Variants in KATNAL2 observed in about 807,000 individuals in gnomAD.
The protein encoded by KATNAL2 is katanin catalytic subunit A1 like 2.
Under a neutral mutation model 76.3 loss-of-function variants are expected in KATNAL2, and 52 were observed. The observed-to-expected ratio is 0.68, with a 90% CI of 0.55 to 0.86. The LOEUF (loss-of-function observed/expected upper bound fraction) is 0.86. KATNAL2 is among the 40% of genes least tolerant of loss of function. The pLI, the probability that KATNAL2 is intolerant of heterozygous loss-of-function variation, is 0.00. For missense variants in KATNAL2, 660 were observed against 668.9 expected (o/e 0.99, Z 0.15); for synonymous variants, 243 against 244.2 (o/e 1.00, Z 0.05).
chr18:47,033,767 C>G, intron 3 of KATNAL2: 2 of 1,614,246 alleles, frequency 1.2e-6, no homozygotes, highest in Non-Finnish European at 8.5e-7. Context: ...AAAGCAGCTT[C>G]CTCCCGGAAC....
In KATNAL2 at chr18:46,950,005, T is replaced by C. The variant is rs1227463930; in HGVS notation, c.51+3082T>C. Among the ~76,000 whole-genome samples the C allele has an allele frequency of 2.0e-5, 3 of 152,176 alleles. No individual in the cohort carries two copies. The East Asian group carries it at 5.8e-4, about 29-fold the overall frequency. On this transcript the variant is annotated intron_variant, in intron 3 of 17. Coordinates refer to ENST00000683218, the MANE Select transcript of KATNAL2 (RefSeq NM_001387690.1). ...AATCTTGACAAGACCTACAAAGCAC[T>C]GCAATAAAGCCCAACCTCTGCCTCC...
chr18:47,077,925 TCA>T (rs2062316452), intron 15 of KATNAL2, among the ~76,000 whole-genome samples: 1 of 152,176 alleles, frequency 6.6e-6, no homozygotes, highest in African/African-American at 2.4e-5. Context: ...TAATCTACTC[TCA>T]GAGTCTTATT....
intron 2 of KATNAL2, 97 bp from the exon 3 acceptor site, chr18:46,946,757 G>T (rs1308605264): frequency 1.2e-5 from 15 of 1,229,634 alleles, no homozygotes; most frequent in Non-Finnish European, 1.7e-5. Context: ...GCGTGTCTGG[G>T]CTCTAGCCAA....
At chr18:46,947,066 G>T (rs2059402902) in intron 3 of KATNAL2, 143 bp downstream of exon 3, 2 of 682,124 alleles carry the variant, frequency 2.9e-6, no homozygotes, top group Non-Finnish European at 5.2e-6. Context: ...GCTCGGCCGA[G>T]GTGGTTAAAT....
intron 3 of KATNAL2, chr18:47,034,608 G>A (rs141139225): frequency 1.8e-5 from 29 of 1,614,160 alleles, no homozygotes; most frequent in East Asian, 4.5e-5. Context: ...GGCTCACAAC[G>A]GCTTTCCCCT....
chr18:47,090,242 G>A (rs1221992250), intron 15 of KATNAL2, among the ~76,000 whole-genome samples: 4 of 152,014 alleles, frequency 2.6e-5, no homozygotes, highest in African/African-American at 4.8e-5. Context: ...GAGTAGCTGG[G>A]ATTACAGTTG....
At chr18:46,920,710 G>A (rs922057810) in intron 1 of KATNAL2, among the ~76,000 whole-genome samples, 1 of 152,138 alleles carries the variant, frequency 6.6e-6, no homozygotes, top group Non-Finnish European at 1.5e-5. Context: ...GGTAGAAAGG[G>A]CATGTTTCTC....
chr18:46,957,069 A>G (rs1287262892), intron 3 of KATNAL2, among the ~76,000 whole-genome samples: 1 of 150,890 alleles, frequency 6.6e-6, no homozygotes, highest in African/African-American at 2.4e-5. Context: ...AAGAAAATTC[A>G]TATTCTGATC....
intron 1 of KATNAL2, among the ~76,000 whole-genome samples, chr18:46,930,482 G>A (rs963329503): frequency 2.6e-5 from 4 of 152,148 alleles, no homozygotes; most frequent in Non-Finnish European, 5.9e-5. Flanking sequence ...AGATAAATCT[G>A]CTTTTAGAGG....
At chr18:46,935,391 A>C (rs913835720) in intron 1 of KATNAL2, among the ~76,000 whole-genome samples, 6 of 152,134 alleles carry the variant, frequency 3.9e-5, no homozygotes, top group African/African-American at 1.2e-4. Context: ...AGCTGCTGAC[A>C]AAGTGGCCCA....
intron 13 of KATNAL2, among the ~76,000 whole-genome samples, chr18:47,071,504 C>CT (rs542433670): frequency 1.6e-4 from 24 of 149,134 alleles, no homozygotes; most frequent in South Asian, 1.5e-3. Flanking sequence ...ACCCTGAAGT[C>CT]TTTTTTTTTT....
chr18:47,061,104 T>A (rs987119389), intron 8 of KATNAL2, among the ~76,000 whole-genome samples: 1 of 152,154 alleles, frequency 6.6e-6, no homozygotes, highest in African/African-American at 2.4e-5. Flanking sequence ...TGTCCATAGG[T>A]TGTATGAGGG....
At position 46,962,280 on chromosome 18, in the gene KATNAL2, T is replaced by C. The variant is rs1199869959; in HGVS notation, c.51+15357T>C. 1.4e-3 allele frequency among the ~76,000 whole-genome samples: 177 copies of C among 131,094 alleles called. 1 individual carries two copies. The highest frequency in any genetic ancestry group is 3.5e-3 in the Middle Eastern group (1 of 286). 86.0% of individuals were successfully genotyped at this position (131,094 alleles called of 152,430 possible). ...CCTCCCAGAGGAGGATGGCCGACGA[T>C]TACAGGATCATGCCCGGCCTTTTCC... is the stretch of plus-strand genomic sequence containing the variant. On this transcript the variant is annotated intron_variant, in intron 3 of 17. Transcript: ENST00000683218.
At chr18:46,936,125 G>A (rs11872317) in intron 1 of KATNAL2, among the ~76,000 whole-genome samples, 7,066 of 152,064 alleles carry the variant, frequency 0.046, 191 homozygotes, top group Non-Finnish European at 0.065. Flanking sequence ...TTTCTATGGT[G>A]GAACATTTTA....
intron 15 of KATNAL2, among the ~76,000 whole-genome samples, chr18:47,082,793 G>A (rs1366871824): frequency 6.6e-6 from 1 of 152,158 alleles, no homozygotes; most frequent in African/African-American, 2.4e-5. Flanking sequence ...TTTGGGGTAG[G>A]TTCCTTGAAG....
chr18:47,034,832 T>C (rs746052147), intron 3 of KATNAL2: 2 of 1,612,080 alleles, frequency 1.2e-6, no homozygotes. Flanking sequence ...CTGTGAGACC[T>C]CGGGTGAGGT....
chr18:47,100,448 G>A (rs933728989), intron 17 of KATNAL2, 92 bp downstream of exon 17: 22 of 1,001,032 alleles, frequency 2.2e-5, no homozygotes, highest in Admixed American at 1.9e-4. Context: ...TCTTGGTGCC[G>A]CTTTACACTT....
At chr18:47,099,565 C>T (rs561652976) in intron 16 of KATNAL2, among the ~76,000 whole-genome samples, 160 bp downstream of exon 16, 173 of 152,340 alleles carry the variant, frequency 1.1e-3, no homozygotes, top group African/African-American at 3.7e-3. Context: ...GAATAAGCTC[C>T]TTTTCACTTA....
chr18:47,067,453 G>A (rs995847803), intron 11 of KATNAL2, among the ~76,000 whole-genome samples: 3 of 152,074 alleles, frequency 2.0e-5, no homozygotes, highest in Non-Finnish European at 4.4e-5. Flanking sequence ...CTCTGGTAGG[G>A]GAGAATCTCT....
Sources: allele counts gnomAD v4.1 joint callset (sites outside exome capture counted in the v4.1 genomes callset), GRCh38; gene constraint gnomAD v4.1.1; transcripts MANE v1.5; gene names NCBI Gene and HGNC (gene_info 2026-07-23, HGNC 2026-07-21).